The following CDH18 variants were observed in gnomAD, a reference collection of about 807,000 sequenced individuals.
CDH18 encodes cadherin-18.
CDH18 carries 31 observed loss-of-function variants against 67.9 expected under a neutral mutation model. The ratio of observed to expected loss-of-function variants is 0.46; its 90% CI spans 0.34 to 0.62. The LOEUF (loss-of-function observed/expected upper bound fraction) is 0.62, where lower values mean the gene tolerates loss of function less well. CDH18 is among the 20% of genes least tolerant of loss of function. CDH18 has a pLI of 0.01. For missense variants in CDH18, 890 were observed against 975.5 expected (o/e 0.91, Z 1.17); for synonymous variants, 362 against 347.2 (o/e 1.04, Z -0.48).
At chr5:20,276,942 G>A (rs1355427358) in intron 1 of CDH18, among the ~76,000 whole-genome samples, 3 of 152,134 alleles carry the variant, frequency 2.0e-5, no homozygotes, top group Non-Finnish European at 4.4e-5. Context: ...TTGTGGAAAG[G>A]GGAGGAAGGA....
At chr5:19,703,535 G>C (rs142835634) in intron 5 of CDH18, among the ~76,000 whole-genome samples, 1,587 of 152,202 alleles carry the variant, frequency 0.01, 10 homozygotes, top group Non-Finnish European at 0.017. Context: ...TGAAGAAAAA[G>C]GGTGGCCTGA....
chr5:20,029,665 T>C (rs1000443923), intron 2 of CDH18, among the ~76,000 whole-genome samples: 4 of 152,204 alleles, frequency 2.6e-5, no homozygotes, highest in Admixed American at 2.0e-4. Flanking sequence ...TGAAACAGAA[T>C]AGTGAATTTT....
intron 1 of CDH18, among the ~76,000 whole-genome samples, chr5:20,477,964 T>C (rs1034923926): frequency 1.2e-4 from 18 of 152,196 alleles, no homozygotes; most frequent in African/African-American, 4.3e-4. Context: ...TTCTAGGTCC[T>C]AGATCCCAGT....
intron 2 of CDH18, among the ~76,000 whole-genome samples, chr5:20,113,702 T>A (rs1268346454): frequency 1.3e-5 from 2 of 152,096 alleles, no homozygotes; most frequent in African/African-American, 4.8e-5. Context: ...GGCAAGACAA[T>A]AACAGAAATA....
At chr5:19,610,418 C>A (rs1169695275) in intron 6 of CDH18, among the ~76,000 whole-genome samples, 1 of 151,966 alleles carries the variant, frequency 6.6e-6, no homozygotes, top group Admixed American at 6.6e-5. Context: ...ATATCCATCA[C>A]AATTAAAATT....
intron 1 of CDH18, among the ~76,000 whole-genome samples, chr5:20,329,721 G>T (rs534607151): frequency 1.7e-5 from 2 of 120,732 alleles, no homozygotes; most frequent in African/African-American, 6.3e-5. Context: ...AGTGAGCCAA[G>T]TTTGCGCCAC....
At chr5:19,808,832 CAAAA>C (rs1173922790) in intron 3 of CDH18, among the ~76,000 whole-genome samples, 1 of 53,932 alleles carries the variant, frequency 1.9e-5, no homozygotes, top group African/African-American at 7.6e-5. Flanking sequence ...AACTCTGTCT[CAAAA>C]AAAAAAAAAA....
At chr5:20,416,395 T>C (rs1747310649) in intron 1 of CDH18, among the ~76,000 whole-genome samples, 1 of 152,122 alleles carries the variant, frequency 6.6e-6, no homozygotes, top group Non-Finnish European at 1.5e-5. Flanking sequence ...TAGAGAAGCC[T>C]ATAATTCTAA....
chr5:19,612,363 G>A, intron 6 of CDH18, 71 bp downstream of exon 6: 3 of 1,450,282 alleles, frequency 2.1e-6, no homozygotes, highest in Non-Finnish European at 2.9e-6. Flanking sequence ...ACATAACACT[G>A]TTCAAGTATT....
intron 5 of CDH18, among the ~76,000 whole-genome samples, chr5:19,677,729 A>G (rs990855162): frequency 6.6e-6 from 1 of 152,056 alleles, no homozygotes; most frequent in African/African-American, 2.4e-5. Flanking sequence ...TCTACCAAGC[A>G]AATGAGAAAC....
At chr5:20,302,060 G>A (rs1212188798) in intron 1 of CDH18, among the ~76,000 whole-genome samples, 3 of 151,922 alleles carry the variant, frequency 2.0e-5, no homozygotes, top group African/African-American at 7.2e-5. Context: ...AAGGCCACTG[G>A]GATACTTAGT....
chr5:19,623,015 C>T (rs1337836687), intron 5 of CDH18, among the ~76,000 whole-genome samples: 4 of 152,168 alleles, frequency 2.6e-5, no homozygotes, highest in Non-Finnish European at 5.9e-5. Flanking sequence ...TTAAATCATA[C>T]TATATATTGT....
chr5:19,937,353 G>T (rs957807213), intron 2 of CDH18, among the ~76,000 whole-genome samples: 1 of 151,284 alleles, frequency 6.6e-6, no homozygotes, highest in African/African-American at 2.4e-5. Flanking sequence ...TAACAAGGAG[G>T]TGTTATGGTG....
chr5:20,333,571 T>TTA (rs1041211921), intron 1 of CDH18, among the ~76,000 whole-genome samples: 1 of 149,046 alleles, frequency 6.7e-6, no homozygotes, highest in East Asian at 1.9e-4. Context: ...ATATATATAT[T>TTA]TATATATATC....
At chr5:19,969,841 T>C (rs1353692666) in intron 2 of CDH18, among the ~76,000 whole-genome samples, 2 of 151,938 alleles carry the variant, frequency 1.3e-5, no homozygotes, top group African/African-American at 4.8e-5. Flanking sequence ...ACTTAAAGTA[T>C]AATAATAAAA....
At chr5:20,080,907 C>T (rs1744412646) in intron 2 of CDH18, among the ~76,000 whole-genome samples, 2 of 152,016 alleles carry the variant, frequency 1.3e-5, no homozygotes, top group African/African-American at 4.8e-5. Flanking sequence ...CTACTCTTTC[C>T]TAAGCCTCAG....
intron 1 of CDH18, among the ~76,000 whole-genome samples, chr5:20,503,330 T>A (rs1754456230): frequency 6.6e-6 from 1 of 152,068 alleles, no homozygotes; most frequent in Non-Finnish European, 1.5e-5. Context: ...TAATTGAGGC[T>A]CTTATATAAT....
At chr5:19,521,939 T>C (rs1319504718) in intron 9 of CDH18, among the ~76,000 whole-genome samples, 4 of 152,046 alleles carry the variant, frequency 2.6e-5, no homozygotes, top group Non-Finnish European at 5.9e-5. Flanking sequence ...TGTGAAACTT[T>C]GGAACCAATA....
chr5:19,863,966 G>A (rs1297111224), intron 2 of CDH18, among the ~76,000 whole-genome samples: 2 of 151,950 alleles, frequency 1.3e-5, no homozygotes, highest in African/African-American at 4.8e-5. Context: ...GGAAGTCAGT[G>A]TGGTGATTCC....
Sources: allele counts gnomAD v4.1 joint callset (sites outside exome capture counted in the v4.1 genomes callset), GRCh38; gene constraint gnomAD v4.1.1; transcripts MANE v1.5; gene names NCBI Gene and HGNC (gene_info 2026-07-23, HGNC 2026-07-21).